Variants in SLC13A3 observed in about 807,000 individuals in gnomAD.
The protein encoded by SLC13A3 is solute carrier family 13 member 3, also known as Na(+)/dicarboxylate cotransporter 3.
SLC13A3 carries 40 observed loss-of-function variants against 59.0 expected under a neutral mutation model. The observed-to-expected ratio is 0.68, with a 90% confidence interval of 0.53 to 0.88. The LOEUF (loss-of-function observed/expected upper bound fraction) is 0.88, where lower values mean the gene tolerates loss of function less well. SLC13A3 is among the 40% of genes least tolerant of loss of function. The pLI, the probability that SLC13A3 is intolerant of heterozygous loss-of-function variation, is 0.00. For synonymous variants in SLC13A3, 317 were observed against 330.3 expected, an observed-to-expected ratio of 0.96 and a Z score of 0.44; for missense variants, 699 against 783.2, an observed-to-expected ratio of 0.89 and a Z score of 1.28.
upstream of SLC13A3, chr20:46,651,583 C>T (rs778976326): frequency 6.6e-5 from 85 of 1,286,576 alleles, 1 homozygote; most frequent in Non-Finnish European, 8.3e-5. Flanking sequence ...CCCCTGGGAC[C>T]GGGTGAAAGA....
upstream of SLC13A3, among the ~76,000 whole-genome samples, chr20:46,670,355 T>C (rs1600632351): frequency 6.6e-6 from 1 of 152,130 alleles, no homozygotes; most frequent in Admixed American, 6.5e-5. Context: ...GATCAGGAAG[T>C]GTAAGGGATG....
intron 1 of SLC13A3, among the ~76,000 whole-genome samples, chr20:46,663,608 C>G (rs1176006903): frequency 6.6e-6 from 1 of 152,176 alleles, no homozygotes; most frequent in Non-Finnish European, 1.5e-5. Flanking sequence ...TACGTGTTTA[C>G]TCCAGTTCAG....
intron 6 of SLC13A3, among the ~76,000 whole-genome samples, chr20:46,590,271 AT>A (rs2062240238): frequency 1.3e-5 from 2 of 152,152 alleles, no homozygotes; most frequent in African/African-American, 4.8e-5. Context: ...TAAGTCCTGT[AT>A]TAGGAAAACC....
intron 9 of SLC13A3, 149 bp from the exon 10 acceptor site, chr20:46,575,834 G>T: frequency 2.0e-6 from 1 of 499,350 alleles, no homozygotes; most frequent in South Asian, 3.2e-5. Context: ...GCTTTAGGGA[G>T]AGAGTGCACA....
chr20:46,665,059 T>G (rs1402647199), intron 1 of SLC13A3, among the ~76,000 whole-genome samples: 6 of 152,056 alleles, frequency 3.9e-5, no homozygotes, highest in African/African-American at 1.4e-4. Context: ...TAAGTCAGTG[T>G]TACTGAGATA....
At chr20:46,628,373 G>A (rs76903149) in intron 1 of SLC13A3, among the ~76,000 whole-genome samples, 3,030 of 152,196 alleles carry the variant, frequency 0.02, 46 homozygotes, top group Non-Finnish European at 0.033. Context: ...TAGCAGCTTC[G>A]GGTAAAACAT....
chr20:46,581,294 G>A (rs2062134687), intron 9 of SLC13A3, among the ~76,000 whole-genome samples: 1 of 152,188 alleles, frequency 6.6e-6, no homozygotes, highest in African/African-American at 2.4e-5. Context: ...CCATGGATGG[G>A]CACCTGACCA....
Position 46,559,833 on chromosome 20 carries a change from G to T in SLC13A3, c.*189C>A. 1.7e-6 allele frequency: 1 copy of T among 581,956 alleles called. No individual in the cohort carries two copies. Among genetic ancestry groups the T allele is most frequent in the Admixed American group, 3.1e-5 (1 of 32,636 alleles). 36.0% of individuals were successfully genotyped at this position (581,956 alleles called of 1,614,324 possible). On this transcript the variant is annotated 3_prime_UTR_variant, in exon 13 of 13. Transcript: ENST00000279027. The stretch of plus-strand genomic sequence containing the variant: ...CTGAGAGATACCTGGGCTTTGAACT[G>T]CATGAAAGAGAGAGAAAGTATCCTA...
intron 3 of SLC13A3, among the ~76,000 whole-genome samples, chr20:46,603,550 T>A (rs1448161715): frequency 6.1e-5 from 7 of 115,608 alleles, no homozygotes; most frequent in African/African-American, 3.4e-4. Flanking sequence ...AATTGTTGTA[T>A]TTTTTTTTTT....
chr20:46,627,114 T>G (rs906512419), intron 1 of SLC13A3, among the ~76,000 whole-genome samples: 1 of 152,250 alleles, frequency 6.6e-6, no homozygotes, highest in Non-Finnish European at 1.5e-5. Context: ...AGGAGCACCA[T>G]GCAAACAGGG....
upstream of SLC13A3, chr20:46,651,493 G>A (rs964608503): frequency 2.2e-6 from 3 of 1,356,496 alleles, no homozygotes; most frequent in Admixed American, 8.1e-5. Flanking sequence ...CTTAAAGCCT[G>A]GGGGAGGGTC....
At chr20:46,674,367 G>T (rs1268164105), upstream of SLC13A3, among the ~76,000 whole-genome samples, 1 of 152,200 alleles carries the variant, frequency 6.6e-6, no homozygotes, top group African/African-American at 2.4e-5. Flanking sequence ...CTATGGGGAA[G>T]GGGGCAGGCC....
At chr20:46,614,911 G>A (rs753781634) in intron 1 of SLC13A3, among the ~76,000 whole-genome samples, 1 of 152,162 alleles carries the variant, frequency 6.6e-6, no homozygotes, top group Admixed American at 6.5e-5. Context: ...TCTATGTTGT[G>A]GGGGCATAGG....
intron 1 of SLC13A3, among the ~76,000 whole-genome samples, chr20:46,665,131 TG>T (rs1357603071): frequency 6.6e-6 from 1 of 152,036 alleles, no homozygotes; most frequent in Non-Finnish European, 1.5e-5. Context: ...CCAAGCATGG[TG>T]GTGTGTGCCT....
At chr20:46,567,644 C>T (rs2061992297) in intron 10 of SLC13A3, among the ~76,000 whole-genome samples, 1 of 152,168 alleles carries the variant, frequency 6.6e-6, no homozygotes, top group African/African-American at 2.4e-5. Context: ...ACTCCACTCG[C>T]CTGTCAGTGC....
intron 1 of SLC13A3, among the ~76,000 whole-genome samples, chr20:46,661,067 T>C (rs75244527): frequency 6.6e-6 from 1 of 152,348 alleles, no homozygotes; most frequent in East Asian, 1.9e-4. Context: ...TTGTTGTAGA[T>C]TTTTTAAGTC....
intron 1 of SLC13A3, among the ~76,000 whole-genome samples, chr20:46,669,319 G>T (rs1303018424): frequency 6.6e-6 from 1 of 151,740 alleles, no homozygotes; most frequent in African/African-American, 2.4e-5. Flanking sequence ...CTGTCAGAGA[G>T]ACAGGTCGAG....
Position 46,589,176 on chromosome 20 carries a change from T to G in SLC13A3, c.1000A>C (p.Asn334His), listed in dbSNP as rs760125412. ...ARAVIREEYQ[N>H]LGPIKFAEQA... is the part of the protein sequence containing the mutation. ...CCCACATACTTGATGGGCCCCAGGT[T>G]CTGGTATTCTTCCCGAATTACAGCT... Residue 334 changes from asparagine (N) to histidine (H), a missense_variant, in exon 7 of 13, where the codon AAC becomes CAC. By Grantham distance (68) the Asn-to-His change is moderately conservative (BLOSUM62 1). Transcript: ENST00000279027. 1.2e-6 allele frequency: 2 copies of G among 1,614,198 alleles called. No homozygotes were observed. The highest frequency in any genetic ancestry group is 1.7e-6 in the Non-Finnish European group (2 of 1,180,000).
chr20:46,680,265 C>T (rs1185747515), intron 1 of SLC13A3, among the ~76,000 whole-genome samples: 1 of 152,164 alleles, frequency 6.6e-6, no homozygotes, highest in East Asian at 1.9e-4. Context: ...CTACCCTTAG[C>T]TTATAAGGGG....
Sources: gnomAD v4.1 joint callset for allele counts (sites outside exome capture counted in the v4.1 genomes callset) on GRCh38, gnomAD v4.1.1 for gene constraint, MANE v1.5 for transcripts, NCBI Gene and HGNC (gene_info 2026-07-23, HGNC 2026-07-21) for gene names.